Variants in FBXO8 observed in about 807,000 individuals in gnomAD.
FBXO8 encodes F-box only protein 8.
Under a neutral mutation model 33.4 loss-of-function variants are expected in FBXO8, and 15 were observed. The ratio of observed to expected loss-of-function variants is 0.45; its 90% CI spans 0.30 to 0.69. The LOEUF is 0.69. Among genes scored for constraint, FBXO8 ranks in the 30% least tolerant of loss-of-function variants. The pLI is 0.08. For synonymous variants in FBXO8, 132 were observed against 131.5 expected (o/e 1.00, Z -0.02); for missense variants, 274 against 380.3 (o/e 0.72, Z 2.32).
In FBXO8 at chr4:174,277,322, C is replaced by G. The variant is rs555478228; in HGVS notation, c.-9+6088G>C. Among the ~76,000 whole-genome samples, 1 of 152,050 alleles carries G rather than the reference C, an allele frequency of 6.6e-6. No homozygotes were observed. The highest frequency in any genetic ancestry group is 1.5e-5 in the Non-Finnish European group (1 of 67,966). ...TAATATTTTGTATCTAATACAAAGT[C>G]TATCTGTAAAATATTAAGCAGCTTT... On this transcript the variant is annotated intron_variant, in intron 1 of 5. Coordinates refer to ENST00000393674, the MANE Select transcript of FBXO8 (RefSeq NM_012180.3). The surrounding 1 kb of genome is among the most constrained non-coding windows in gnomAD (Gnocchi z 4.9).
At position 174,237,583 on chromosome 4, in the gene FBXO8, C is replaced by T; in HGVS notation, c.789G>A (p.Leu263=). ...LGLSPDAVYV[L]CYSLILLSID... Reference sequence around the variant, plus strand: ...TGGAAAGTAGAATCAAAGAGTAGCACAGTACATAGACAGCATCTGGAAAGA... The same window carrying T: ...TGGAAAGTAGAATCAAAGAGTAGCATAGTACATAGACAGCATCTGGAAAGA... Residue 263 remains leucine, a synonymous_variant, in exon 6 of 6, where the codon CTG becomes CTA. Coordinates refer to ENST00000393674, the MANE Select transcript of FBXO8 (RefSeq NM_012180.3). This position sits in a 1 kb window ranked among gnomAD's most constrained non-coding sequence, Gnocchi z 4.4. 1 of 1,612,892 alleles carries T rather than the reference C, an allele frequency of 6.2e-7. No individual in the cohort carries two copies. Among genetic ancestry groups the T allele is most frequent in the Non-Finnish European group, 8.5e-7 (1 of 1,179,244 alleles).
chr4:174,249,197 T>C (rs2126421888), intron 3 of FBXO8, among the ~76,000 whole-genome samples: 1 of 152,136 alleles, frequency 6.6e-6, no homozygotes, highest in South Asian at 2.1e-4. Context: ...AAATAATAAA[T>C]TACTACTATC....
At chr4:174,248,460 G>A (rs1421398893) in intron 3 of FBXO8, among the ~76,000 whole-genome samples, 1 of 151,984 alleles carries the variant, frequency 6.6e-6, no homozygotes, top group Non-Finnish European at 1.5e-5. Context: ...AGGGGGCAGT[G>A]AAAATTGGGA....
rs1051195160 is a variant in FBXO8 at position 174,283,047 on chromosome 4, A to C, written c.-9+363T>G. 6.6e-6 allele frequency among the ~76,000 whole-genome samples: 1 copy of C among 152,230 alleles called. No homozygotes were observed. Among genetic ancestry groups the C allele is most frequent in the Non-Finnish European group, 1.5e-5 (1 of 68,046 alleles). ...GGTAAAGAACCAAAAACTGTCTAGG[A>C]ACCAAAATAACACTCGACCCGAAAA... On this transcript the variant is annotated intron_variant, in intron 1 of 5. Transcript: ENST00000393674. The surrounding 1 kb of genome is among the most constrained non-coding windows in gnomAD (Gnocchi z 6.7).
rs1480368277 is a variant in FBXO8 at position 174,263,712 on chromosome 4, C to G, written c.-8-612G>C. Among the ~76,000 whole-genome samples, 1 of 152,146 alleles carries G rather than the reference C, an allele frequency of 6.6e-6. No homozygotes were observed. The highest frequency in any genetic ancestry group is 1.5e-5 in the Non-Finnish European group (1 of 68,018). On this transcript the variant is annotated intron_variant, in intron 1 of 5. Coordinates refer to ENST00000393674, the MANE Select transcript of FBXO8 (RefSeq NM_012180.3). The surrounding 1 kb of genome is among the most constrained non-coding windows in gnomAD (Gnocchi z 4.2). ...AACTCCATGATAAATAGCTCGGTAA[C>G]AGTAGACTATTTAGTTTTGTTGTTG...
In FBXO8 at chr4:174,241,622, A is replaced by G. The variant is rs1736041625; in HGVS notation, c.457-404T>C. On this transcript the variant is annotated intron_variant, in intron 3 of 5. Transcript: ENST00000393674. The surrounding 1 kb of genome is among the most constrained non-coding windows in gnomAD (Gnocchi z 4.2). ...TTCTTAAAGCTCACATATATATTGC[A>G]GTATGCCTTTCAAGGAAAGAGCTTC... Among the ~76,000 whole-genome samples, 1 of 151,354 alleles carries G rather than the reference A, an allele frequency of 6.6e-6. No individual in the cohort carries two copies. The highest frequency in any genetic ancestry group is 2.4e-5 in the African/African-American group (1 of 41,314).
In FBXO8 at chr4:174,253,428, A is replaced by G. The variant is rs760262068; in HGVS notation, c.456+6271T>C. On this transcript the variant is annotated intron_variant, in intron 3 of 5. Coordinates refer to ENST00000393674, the MANE Select transcript of FBXO8 (RefSeq NM_012180.3). This position sits in a 1 kb window ranked among gnomAD's most constrained non-coding sequence, Gnocchi z 4.5. ...AATTTTGATATGTTTGCTTAGTAGC[A>G]GGAAGACCTAAACTGGCAAGAAGGT... 2.0e-5 allele frequency among the ~76,000 whole-genome samples: 3 copies of G among 152,166 alleles called. No homozygotes were observed. The highest frequency in any genetic ancestry group is 6.5e-5 in the Admixed American group (1 of 15,268).
In FBXO8 at chr4:174,267,536, G is replaced by A. The variant is rs1025091625; in HGVS notation, c.-8-4436C>T. On this transcript the variant is annotated intron_variant, in intron 1 of 5. Coordinates refer to ENST00000393674, the MANE Select transcript of FBXO8 (RefSeq NM_012180.3). This position sits in a 1 kb window ranked among gnomAD's most constrained non-coding sequence, Gnocchi z 4.7. ...CACTCCAGCCTGAGTGACAGAGTGAGACCTTGCCTCTAAAAAAAATTAAAA... is the reference window on the plus strand; with the variant it reads ...CACTCCAGCCTGAGTGACAGAGTGAAACCTTGCCTCTAAAAAAAATTAAAA... Among the ~76,000 whole-genome samples the A allele has an allele frequency of 3.3e-5, 5 of 152,046 alleles. No individual in the cohort carries two copies. Among genetic ancestry groups the A allele is most frequent in the Non-Finnish European group, 7.4e-5 (5 of 68,012 alleles).
intron 3 of FBXO8, among the ~76,000 whole-genome samples, chr4:174,244,614 G>C (rs779556774): frequency 6.6e-6 from 1 of 151,584 alleles, no homozygotes; most frequent in African/African-American, 2.4e-5. Context: ...AGTTTTGTCA[G>C]ATAACTCTGA....
Position 174,259,967 on chromosome 4 carries a change from T to G in FBXO8, c.330-142A>C. On this transcript the variant is annotated intron_variant, in intron 2 of 5. Transcript: ENST00000393674. The surrounding 1 kb of genome is among the most constrained non-coding windows in gnomAD (Gnocchi z 4.3). ...AAGTTTAAAATTTTTAAGTTTGTAC[T>G]TGTTTTCTATTTGTTTACTAGAGTA... is the stretch of plus-strand genomic sequence containing the variant. 1.1e-6 allele frequency: 1 copy of G among 885,392 alleles called. No homozygotes were observed. The highest frequency in any genetic ancestry group is 2.0e-5 in the South Asian group (1 of 49,482). The allele number at this position is 885,392 out of a possible 1,614,324, so 54.8% of individuals were successfully genotyped here.
intron 1 of FBXO8, among the ~76,000 whole-genome samples, chr4:174,268,213 T>A (rs1175185886): frequency 6.6e-6 from 1 of 152,212 alleles, no homozygotes; most frequent in Non-Finnish European, 1.5e-5. Context: ...CACAATATTT[T>A]CATTAACTGA....
At position 174,237,346 on chromosome 4, in the gene FBXO8, A is replaced by G. The variant is rs1028289535; in HGVS notation, c.*66T>C. 3 of 1,389,540 alleles carry G rather than the reference A, an allele frequency of 2.2e-6. No individual in the cohort carries two copies. The highest frequency in any genetic ancestry group is 1.4e-5 in the African/African-American group (1 of 70,426). 86.1% of individuals were successfully genotyped at this position (1,389,540 alleles called of 1,614,324 possible). ...AATGACCAGCACTGATGTAACCCCC[A>G]TATCTGCTAAGTCCTTGGGTAGCTT... On this transcript the variant is annotated 3_prime_UTR_variant, in exon 6 of 6. Coordinates refer to ENST00000393674, the MANE Select transcript of FBXO8 (RefSeq NM_012180.3). This position sits in a 1 kb window ranked among gnomAD's most constrained non-coding sequence, Gnocchi z 4.4.
chr4:174,275,021 TGA>T lies in FBXO8; in HGVS notation c.-9+8387_-9+8388del, dbSNP rs1736928123. Among the ~76,000 whole-genome samples the T allele has an allele frequency of 6.6e-6, 1 of 152,174 alleles. No homozygotes were observed. Among genetic ancestry groups the T allele is most frequent in the East Asian group, 1.9e-4 (1 of 5,206 alleles). On this transcript the variant is annotated intron_variant, in intron 1 of 5. Coordinates refer to ENST00000393674, the MANE Select transcript of FBXO8 (RefSeq NM_012180.3). The surrounding 1 kb of genome is among the most constrained non-coding windows in gnomAD (Gnocchi z 4.4). ...GAAGATGAAAGGAAAGCCTACAGAT[TGA>T]GAGAAAATATTTGTAAACCACATAT... is the stretch of plus-strand genomic sequence containing the variant.
rs1169516176 is a variant in FBXO8, at chr4:174,262,044, G to A, written c.329+720C>T. On this transcript the variant is annotated intron_variant, in intron 2 of 5. Transcript: ENST00000393674. The surrounding 1 kb of genome is among the most constrained non-coding windows in gnomAD (Gnocchi z 4.6). ...GTTAAAGTATATGATGCTATTTAAG[G>A]AGTAACTTAGGTTCAATAAAACAGA... Among the ~76,000 whole-genome samples the A allele has an allele frequency of 1.3e-5, 2 of 151,982 alleles. No individual in the cohort carries two copies. Among genetic ancestry groups the A allele is most frequent in the Non-Finnish European group, 2.9e-5 (2 of 67,956 alleles).
Position 174,237,271 on chromosome 4 carries a change from C to T in FBXO8, c.*141G>A. ...AGGAAATTACTAAAATAGAAAATGG[C>T]AAAAGAAAAAAAGGTTGCACACTGA... On this transcript the variant is annotated 3_prime_UTR_variant, in exon 6 of 6. Coordinates refer to ENST00000393674, the MANE Select transcript of FBXO8 (RefSeq NM_012180.3). The surrounding 1 kb of genome is among the most constrained non-coding windows in gnomAD (Gnocchi z 4.4). 1.6e-6 allele frequency: 1 copy of T among 625,696 alleles called. No individual in the cohort carries two copies. 38.8% of individuals were successfully genotyped at this position (625,696 alleles called of 1,614,324 possible). A position where few individuals can be genotyped will look rare whatever the true frequency, so the allele number is the denominator to read the frequency against.
intron 1 of FBXO8, among the ~76,000 whole-genome samples, chr4:174,279,064 A>C (rs1415726030): frequency 1.3e-5 from 2 of 151,980 alleles, no homozygotes; most frequent in Non-Finnish European, 2.9e-5. Context: ...GTAATTAGAC[A>C]AGAAAAAAAG....
chr4:174,266,317 A>C (rs1288882111), intron 1 of FBXO8, among the ~76,000 whole-genome samples: 1 of 152,160 alleles, frequency 6.6e-6, no homozygotes, highest in Non-Finnish European at 1.5e-5. Context: ...GACAAAGAAA[A>C]CTGCAAAATT....
intron 1 of FBXO8, among the ~76,000 whole-genome samples, chr4:174,280,352 A>G (rs532241175): frequency 1.6e-4 from 24 of 152,266 alleles, no homozygotes; most frequent in African/African-American, 4.8e-4. Context: ...AAGGATGTGG[A>G]GAAACTGGAA....
At chr4:174,243,548 T>C (rs377421989) in intron 3 of FBXO8, among the ~76,000 whole-genome samples, 27 of 142,858 alleles carry the variant, frequency 1.9e-4, no homozygotes, top group Admixed American at 1.5e-3. Context: ...TTAAAAGTAA[T>C]GTCAAAAAAC....
Sources: gnomAD v4.1 joint callset for allele counts (sites outside exome capture counted in the v4.1 genomes callset) on GRCh38, gnomAD v4.1.1 for gene constraint, Gnocchi (gnomAD v3.1) non-coding constraint, MANE v1.5 for transcripts, NCBI Gene and HGNC (gene_info 2026-07-23, HGNC 2026-07-21) for gene names.